RNF214: variants seen among roughly 807,000 people sequenced by gnomAD.
RNF214 encodes the protein ring finger protein 214.
Under a neutral mutation model 75.9 loss-of-function variants are expected in RNF214, and 25 were observed. That is an observed-to-expected ratio of 0.33 (90% CI 0.24 to 0.46). The LOEUF is 0.46. Ranked by LOEUF, RNF214 falls within the 20% of genes least tolerant of loss-of-function variation. The pLI is 1.00. For missense variants in RNF214, 725 were observed against 857.5 expected, an observed-to-expected ratio of 0.85 and a Z score of 1.93; for synonymous variants, 314 against 308.8, an observed-to-expected ratio of 1.02 and a Z score of -0.18.
chr11:117,249,536 A>G (rs144640982), intron 6 of RNF214, among the ~76,000 whole-genome samples: 27 of 152,320 alleles, frequency 1.8e-4, no homozygotes, highest in African/African-American at 6.0e-4. Flanking sequence ...TTAGCATTCC[A>G]TCATTCATAG....
chr11:117,274,189 A>G (rs2033965132), intron 6 of RNF214, among the ~76,000 whole-genome samples: 1 of 152,088 alleles, frequency 6.6e-6, no homozygotes, highest in African/African-American at 2.4e-5. Flanking sequence ...ACAGATTAAC[A>G]GGAGGGAAAA....
In RNF214 at chr11:117,267,945, T is replaced by C. The variant is rs541854775; in HGVS notation, c.960-11963T>C. Among the ~76,000 whole-genome samples the C allele has an allele frequency of 5.3e-5, 8 of 152,296 alleles. No homozygotes were observed. In the South Asian group the frequency reaches 1.0e-3, roughly 20 times the overall value. On this transcript the variant is annotated intron_variant, in intron 6 of 14. Coordinates refer to ENST00000300650, the MANE Select transcript of RNF214 (RefSeq NM_207343.4). ...GTAGAGAAAGACAACAGTTTTATTA[T>C]TGAATAAACATTAAATCAGATGTGA...
chr11:117,271,402 C>T (rs1824889011), intron 6 of RNF214, among the ~76,000 whole-genome samples: 1 of 152,204 alleles, frequency 6.6e-6, no homozygotes, highest in Non-Finnish European at 1.5e-5. Flanking sequence ...CTGGAAACTG[C>T]CTCCAGGCAG....
chr11:117,280,041 T>C (rs1393943226), intron 7 of RNF214, 37 bp downstream of exon 7: 2 of 1,567,676 alleles, frequency 1.3e-6, no homozygotes, highest in Non-Finnish European at 1.7e-6. Context: ...AGTCTTAGTT[T>C]CAGGCTTCCA....
At chr11:117,262,994 A>T in intron 6 of RNF214, among the ~76,000 whole-genome samples, 1 of 151,796 alleles carries the variant, frequency 6.6e-6, no homozygotes. Flanking sequence ...TTTCATAGAG[A>T]CGGAGTTTCA....
At position 117,282,070 on chromosome 11, in the gene RNF214, T is replaced by A. The variant is rs377311325; in HGVS notation, c.1512T>A (p.Pro504=). 1 of 1,614,088 alleles carries A rather than the reference T, an allele frequency of 6.2e-7. No individual in the cohort carries two copies. Among genetic ancestry groups the A allele is most frequent in the Non-Finnish European group, 8.5e-7 (1 of 1,179,998 alleles). The part of the protein sequence containing the change: ...SQPSQPSSPL[P]GSHGRNSPGL... Reference sequence around the variant, plus strand: ...CCAGCCAGCCTTCCTCACCCCTTCCTGGCTCCCATGGCAGAAATAGCCCTG... The same window carrying A: ...CCAGCCAGCCTTCCTCACCCCTTCCAGGCTCCCATGGCAGAAATAGCCCTG... Residue 504 remains proline, a synonymous_variant, in exon 11 of 15, where the codon CCT becomes CCA. Coordinates refer to ENST00000300650, the MANE Select transcript of RNF214 (RefSeq NM_207343.4).
intron 6 of RNF214, among the ~76,000 whole-genome samples, chr11:117,272,236 C>T (rs2033926968): frequency 6.6e-6 from 1 of 152,150 alleles, no homozygotes; most frequent in Admixed American, 6.6e-5. Context: ...CTAAAAACAA[C>T]CACCAACCAC....
chr11:117,244,786 C>G (rs2033171317), intron 5 of RNF214, among the ~76,000 whole-genome samples: 1 of 151,950 alleles, frequency 6.6e-6, no homozygotes, highest in Non-Finnish European at 1.5e-5. Context: ...CCACCTCAGC[C>G]TCCCAAGTAG....
chr11:117,267,445 C>T (rs942122335), intron 6 of RNF214, among the ~76,000 whole-genome samples: 1 of 152,038 alleles, frequency 6.6e-6, no homozygotes, highest in Non-Finnish European at 1.5e-5. Context: ...GGTGCAATGG[C>T]TCACACCTGT....
At position 117,243,169 on chromosome 11, in the gene RNF214, C is replaced by T. The variant is rs548913003; in HGVS notation, c.679-1276C>T. ...ATTAATTTATTTATTTATTTTGAGACGGAGTCTCGCTCTGTCACCCAGTCT... is the reference window on the plus strand; with the variant it reads ...ATTAATTTATTTATTTATTTTGAGATGGAGTCTCGCTCTGTCACCCAGTCT... On this transcript the variant is annotated intron_variant, in intron 4 of 14. Coordinates refer to ENST00000300650, the MANE Select transcript of RNF214 (RefSeq NM_207343.4). Among the ~76,000 whole-genome samples the T allele has an allele frequency of 3.5e-5, 5 of 141,052 alleles. 1 individual carries two copies. Among genetic ancestry groups the T allele is most frequent in the Admixed American group, 7.2e-5 (1 of 13,904 alleles). 92.5% of individuals were successfully genotyped at this position (141,052 alleles called of 152,430 possible).
intron 5 of RNF214, 60 bp from the exon 6 acceptor site, chr11:117,246,749 C>T: frequency 7.0e-7 from 1 of 1,428,218 alleles, no homozygotes; most frequent in Non-Finnish European, 9.3e-7. Flanking sequence ...ACCTTTGCAT[C>T]AAAAGAACTA....
At chr11:117,258,162 A>G (rs1287372607) in intron 6 of RNF214, among the ~76,000 whole-genome samples, 2 of 151,092 alleles carry the variant, frequency 1.3e-5, no homozygotes, top group Non-Finnish European at 2.9e-5. Flanking sequence ...TTTGCCTTCC[A>G]GGTTCAAGCA....
intron 6 of RNF214, among the ~76,000 whole-genome samples, chr11:117,255,982 T>G (rs1050631534): frequency 1.3e-5 from 2 of 152,258 alleles, no homozygotes; most frequent in Admixed American, 1.3e-4. Flanking sequence ...CAGTTACCTC[T>G]TTCACATTTA....
chr11:117,285,486 T>G lies in RNF214; in HGVS notation c.*335T>G. ...TAAAAACCACCTAGGAACCTGCTGT[T>G]GCTCTAAGGCCATTCTGCTTTGGTT... On this transcript the variant is annotated 3_prime_UTR_variant, in exon 15 of 15. Coordinates refer to ENST00000300650, the MANE Select transcript of RNF214 (RefSeq NM_207343.4). 5.1e-6 allele frequency: 1 copy of G among 194,710 alleles called. No homozygotes were observed. The highest frequency in any genetic ancestry group is 1.1e-5 in the Non-Finnish European group (1 of 95,110). 12.1% of individuals were successfully genotyped at this position (194,710 alleles called of 1,614,324 possible).
At chr11:117,250,066 G>A (rs602007) in intron 6 of RNF214, among the ~76,000 whole-genome samples, 1 of 152,190 alleles carries the variant, frequency 6.6e-6, no homozygotes, top group East Asian at 1.9e-4. Flanking sequence ...ACTGTTTATT[G>A]TGAGAGACAT....
chr11:117,261,009 C>T (rs1398432447), intron 6 of RNF214, among the ~76,000 whole-genome samples: 3 of 151,524 alleles, frequency 2.0e-5, no homozygotes, highest in African/African-American at 7.3e-5. Context: ...TTTTATCTTC[C>T]TTTCAAACCC....
In RNF214 at chr11:117,238,835, C is replaced by T. The variant is rs1396222849; in HGVS notation, c.342C>T (p.Ser114=). The T allele has an allele frequency of 1.2e-6, 2 of 1,614,050 alleles. No homozygotes were observed. The highest frequency in any genetic ancestry group is 1.7e-6 in the Non-Finnish European group (2 of 1,180,044). ...GSQSDLKDVA[S]TAGEEGDTSL... ...AGTCTGATTTGAAGGATGTGGCCAG[C>T]ACAGCAGGAGAGGAGGGGGACACAA... Residue 114 remains serine, a synonymous_variant, in exon 3 of 15, where the codon AGC becomes AGT. Coordinates refer to ENST00000300650, the MANE Select transcript of RNF214 (RefSeq NM_207343.4).
chr11:117,279,439 A>G (rs1488588055), intron 6 of RNF214, among the ~76,000 whole-genome samples: 1 of 144,834 alleles, frequency 6.9e-6, no homozygotes. Context: ...TCAAGCAATT[A>G]TCTTGCCTCA....
intron 6 of RNF214, among the ~76,000 whole-genome samples, chr11:117,248,917 T>G (rs2033299950): frequency 6.6e-6 from 1 of 152,082 alleles, no homozygotes; most frequent in Non-Finnish European, 1.5e-5. Context: ...CCTTTTGATG[T>G]GTGTTCTTTA....
Sources: allele counts gnomAD v4.1 joint callset (sites outside exome capture counted in the v4.1 genomes callset), GRCh38; gene constraint gnomAD v4.1.1; transcripts MANE v1.5; gene names NCBI Gene and HGNC (gene_info 2026-07-23, HGNC 2026-07-21).